UNC5D: variants seen among roughly 807,000 people sequenced by gnomAD.
UNC5D encodes the protein unc-5 netrin receptor D.
UNC5D carries 39 observed loss-of-function variants against 105.4 expected under a neutral mutation model. The ratio of observed to expected loss-of-function variants is 0.37; its 90% CI spans 0.29 to 0.48. UNC5D has a LOEUF of 0.48. UNC5D is among the 20% of genes least tolerant of loss of function. The pLI is 0.98. For synonymous variants in UNC5D, 452 were observed against 450.4 expected (o/e 1.00, Z -0.04); for missense variants, 991 against 1,202.4 (o/e 0.82, Z 2.60).
chr8:35,790,233 T>C, intron 16 of UNC5D, 126 bp from the exon 17 acceptor site: 1 of 1,030,036 alleles, frequency 9.7e-7, no homozygotes, highest in Non-Finnish European at 1.4e-6. Context: ...TGCCTTACTA[T>C]AGCTTTTTAT....
rs138355546 is a variant in UNC5D, at chr8:35,738,771, A to T, written c.1766+7675A>T. Among the ~76,000 whole-genome samples the T allele has an allele frequency of 3.8e-3, 582 of 152,328 alleles. 6 individuals are homozygous for T. Among genetic ancestry groups the T allele is most frequent in the African/African-American group, 0.013 (552 of 41,572 alleles). On this transcript the variant is annotated intron_variant, in intron 11 of 16. Coordinates refer to ENST00000404895, the MANE Select transcript of UNC5D (RefSeq NM_080872.4). ...CAAGCAGGGCAGGTCAGTCAAGCTT[A>T]TGCCACCTTAAACAACTTTTCTCCC...
At chr8:35,335,976 G>C (rs1811004015) in intron 1 of UNC5D, among the ~76,000 whole-genome samples, 1 of 151,918 alleles carries the variant, frequency 6.6e-6, no homozygotes, top group Non-Finnish European at 1.5e-5. Context: ...TGTTAGCCAG[G>C]ATGGTGTCGA....
At chr8:35,737,596 C>CA (rs1302120230) in intron 11 of UNC5D, among the ~76,000 whole-genome samples, 1 of 152,114 alleles carries the variant, frequency 6.6e-6, no homozygotes, top group African/African-American at 2.4e-5. Context: ...TTTGCCACAG[C>CA]ATGTGACCGT....
intron 1 of UNC5D, among the ~76,000 whole-genome samples, chr8:35,303,409 GAATACATGGCT>G (rs1339502931): frequency 2.0e-5 from 3 of 152,046 alleles, no homozygotes; most frequent in South Asian, 4.1e-4. Context: ...GTGTTCAGTA[GAATACATGGCT>G]AATACATGGC....
At chr8:35,685,978 G>T (rs980781027) in intron 6 of UNC5D, among the ~76,000 whole-genome samples, 4 of 152,120 alleles carry the variant, frequency 2.6e-5, no homozygotes, top group Admixed American at 1.3e-4. Flanking sequence ...AATTCAGTTT[G>T]TTCATTTCTA....
chr8:35,774,384 A>G lies in UNC5D; in HGVS notation c.2564A>G (p.Tyr855Cys). The stretch of plus-strand genomic sequence containing the variant: ...GGCCCCAAAGCCTTCAAAATTCCCT[A>G]CTCCATCAGACAGCGGATTTGTGCT... ...QTGPKAFKIP[Y>C]SIRQRICATF... Residue 855 changes from tyrosine (Y) to cysteine (C), a missense_variant, in exon 16 of 17, where the codon TAC (tyrosine) becomes TGC (cysteine). This residue lies in a region of UNC5D where 944 missense variants were observed against 1,131.6 expected (regional missense o/e 0.83). Transcript: ENST00000404895. 1 of 1,613,960 alleles carries G rather than the reference A, an allele frequency of 6.2e-7. No individual in the cohort carries two copies. Among genetic ancestry groups the G allele is most frequent in the South Asian group, 1.1e-5 (1 of 91,076 alleles).
Position 35,642,106 on chromosome 8 carries a change from G to A in UNC5D, c.571-41441G>A, listed in dbSNP as rs530060821. 3.9e-5 allele frequency among the ~76,000 whole-genome samples: 6 copies of A among 152,190 alleles called. No homozygotes were observed. In the South Asian group the frequency reaches 8.3e-4, roughly 21 times the overall value. ...ACCTGAGGAATAACTTTTTCCCTGC[G>A]TGAGATTCTGCACCTCCACCTAGAG... On this transcript the variant is annotated intron_variant, in intron 4 of 16. Coordinates refer to ENST00000404895, the MANE Select transcript of UNC5D (RefSeq NM_080872.4).
intron 1 of UNC5D, among the ~76,000 whole-genome samples, chr8:35,527,729 G>C (rs1813982749): frequency 6.6e-6 from 1 of 152,032 alleles, no homozygotes; most frequent in Non-Finnish European, 1.5e-5. Flanking sequence ...TTTTAGTAGA[G>C]ATGGGATTTC....
chr8:35,688,463 A>G (rs1478417690), intron 7 of UNC5D, among the ~76,000 whole-genome samples: 1 of 152,200 alleles, frequency 6.6e-6, no homozygotes, highest in Non-Finnish European at 1.5e-5. Context: ...TGATTAGTAC[A>G]TTGAAATGAG....
chr8:35,352,183 G>T (rs974578739), intron 1 of UNC5D, among the ~76,000 whole-genome samples: 1 of 151,902 alleles, frequency 6.6e-6, no homozygotes, highest in African/African-American at 2.4e-5. Context: ...TAACACAGAG[G>T]TATGATTCTA....
intron 4 of UNC5D, among the ~76,000 whole-genome samples, chr8:35,667,994 C>T (rs1378884568): frequency 6.6e-6 from 1 of 152,092 alleles, no homozygotes; most frequent in Non-Finnish European, 1.5e-5. Context: ...ATGATAGAAA[C>T]ATTTTCAGTT....
chr8:35,708,996 T>A lies in UNC5D; in HGVS notation c.1117+3035T>A, dbSNP rs116444152. Among the ~76,000 whole-genome samples, 1,046 of 152,240 alleles carry A rather than the reference T, an allele frequency of 6.9e-3. 10 individuals are homozygous for A. The highest frequency in any genetic ancestry group is 0.024 in the African/African-American group (995 of 41,542). On this transcript the variant is annotated intron_variant, in intron 8 of 16. Coordinates refer to ENST00000404895, the MANE Select transcript of UNC5D (RefSeq NM_080872.4). ...TAGGGCAGAAACTTGGAGAGCCTCC[T>A]AGAGCCCTCTTATTTCCTTCATCTC...
intron 4 of UNC5D, among the ~76,000 whole-genome samples, chr8:35,605,628 C>T (rs558224491): frequency 7.2e-5 from 11 of 152,318 alleles, no homozygotes; most frequent in African/African-American, 2.6e-4. Context: ...TTTGTCTGTG[C>T]CCTGCCCCCA....
chr8:35,410,195 ATACT>A (rs1231199915), intron 1 of UNC5D, among the ~76,000 whole-genome samples: 1 of 152,094 alleles, frequency 6.6e-6, no homozygotes, highest in East Asian at 1.9e-4. Context: ...CATTCAATAA[ATACT>A]TACTGGATAA....
At chr8:35,397,427 G>A (rs1295051186) in intron 1 of UNC5D, among the ~76,000 whole-genome samples, 1 of 152,208 alleles carries the variant, frequency 6.6e-6, no homozygotes, top group Non-Finnish European at 1.5e-5. Context: ...CTAGTCAACA[G>A]TCCTTTTAAG....
intron 3 of UNC5D, among the ~76,000 whole-genome samples, chr8:35,579,767 G>C (rs1818350546): frequency 6.6e-6 from 1 of 152,188 alleles, no homozygotes; most frequent in Non-Finnish European, 1.5e-5. Context: ...TAAGTGTTTA[G>C]ATTTGTCCAG....
At chr8:35,257,111 A>T (rs1434912163) in intron 1 of UNC5D, among the ~76,000 whole-genome samples, 1 of 151,784 alleles carries the variant, frequency 6.6e-6, no homozygotes, top group Non-Finnish European at 1.5e-5. Context: ...AGCTGGGATT[A>T]CAGGCACGCA....
chr8:35,686,888 T>C (rs754233792), intron 7 of UNC5D, among the ~76,000 whole-genome samples, 179 bp downstream of exon 7: 5 of 152,186 alleles, frequency 3.3e-5, no homozygotes, highest in Non-Finnish European at 7.3e-5. Context: ...TTAATAGAGA[T>C]GGTATAAGTG....
intron 2 of UNC5D, among the ~76,000 whole-genome samples, chr8:35,552,461 CTATT>C (rs1490237902): frequency 6.6e-6 from 1 of 152,188 alleles, no homozygotes; most frequent in Admixed American, 6.5e-5. Context: ...CATTATGAAT[CTATT>C]TAGGGTTTCA....
Sources: allele counts gnomAD v4.1 joint callset (sites outside exome capture counted in the v4.1 genomes callset), GRCh38; gene constraint gnomAD v4.1.1; regional missense constraint gnomAD v4.1.1; transcripts MANE v1.5; gene names NCBI Gene and HGNC (gene_info 2026-07-23, HGNC 2026-07-21).